GIGYF1: variants seen among roughly 807,000 people sequenced by gnomAD.
The protein encoded by GIGYF1 is GRB10 interacting GYF protein 1, also known as GRB10-interacting GYF protein 1.
A neutral mutation model predicts 147.1 loss-of-function variants in GIGYF1; 84 were observed. The observed-to-expected ratio is 0.57, with a 90% confidence interval of 0.48 to 0.68. GIGYF1 has a LOEUF of 0.68. Ranked by LOEUF, GIGYF1 falls within the 30% of genes least tolerant of loss-of-function variation. The pLI is 0.00. For synonymous variants in GIGYF1, 752 were observed against 589.5 expected, an observed-to-expected ratio of 1.28 and a Z score of -3.99; for missense variants, 1,485 against 1,393.7, an observed-to-expected ratio of 1.07 and a Z score of -1.04.
chr7:100,693,757 C>G (rs1186570084), intron 1 of GIGYF1, among the ~76,000 whole-genome samples: 6 of 151,754 alleles, frequency 4.0e-5, no homozygotes, highest in Middle Eastern at 6.8e-3. Context: ...TGGAAGGCAG[C>G]GCGCCGGCCC....
Position 100,685,094 on chromosome 7 carries a change from T to A in GIGYF1, c.1245A>T (p.Pro415=), listed in dbSNP as rs1278819842. 23 of 1,581,240 alleles carry A rather than the reference T, an allele frequency of 1.5e-5. No individual in the cohort carries two copies. The highest frequency in any genetic ancestry group is 1.8e-5 in the Non-Finnish European group (21 of 1,162,702). The change falls in exon 14 of 27, where the codon CCA becomes CCT. Residue 415 remains proline (P), a synonymous_variant. Transcript: ENST00000678049. The part of the protein sequence containing the change: ...LSPGVGSSAG[P]PGDLEDDEGL... ...CTTCATCATCCTCCAGATCTCCGGG[T>A]GGGCCAGCAGAGGAGCCCACCCCGG...
In GIGYF1 at chr7:100,684,472, C is replaced by G. The variant is rs1196682266; in HGVS notation, c.1607G>C (p.Gly536Ala). The change falls in exon 16 of 27, where the codon GGG becomes GCG. Residue 536 changes from glycine (G) to alanine (A), a missense_variant. Transcript: ENST00000678049. ...KMWGRVPFAP[G>A]PSPPPLLGNM... ...CACCAGCAGTGGGGGAGGTGAGGGC[C>G]CTGGGGCAAAGGGCACGCGGCCCCA... 7 of 1,613,106 alleles carry G rather than the reference C, an allele frequency of 4.3e-6. No homozygotes were observed.
At position 100,679,816 on chromosome 7, in the gene GIGYF1, C is replaced by T. The variant is rs1165125926; in HGVS notation, c.*1903G>A. The T allele has an allele frequency of 2.0e-5, 3 of 152,688 alleles. No individual in the cohort carries two copies. The highest frequency in any genetic ancestry group is 3.4e-3 in the Middle Eastern group (1 of 296). The allele number at this position is 152,688 out of a possible 1,614,324, so 9.5% of individuals were successfully genotyped here. On this transcript the variant is annotated 3_prime_UTR_variant, in exon 27 of 27. Coordinates refer to ENST00000678049, the MANE Select transcript of GIGYF1 (RefSeq NM_001375765.1). ...GGAGAGGGCTCCCCCTATACTTCCTCACAGGGTTAAGGCCTCTCCAGGCTC... is the reference window on the plus strand; with the variant it reads ...GGAGAGGGCTCCCCCTATACTTCCTTACAGGGTTAAGGCCTCTCCAGGCTC...
Position 100,683,432 on chromosome 7 carries a change from T to C in GIGYF1, c.2065A>G (p.Arg689Gly). 1 of 1,614,088 alleles carries C rather than the reference T, an allele frequency of 6.2e-7. No homozygotes were observed. Among genetic ancestry groups the C allele is most frequent in the Non-Finnish European group, 8.5e-7 (1 of 1,180,026 alleles). ...LQLQHKFQER[R>G]EVELRAKREE... ...CGCTTCGCCCTGAGCTCCACTTCTC[T>C]GCGCTCCTGGAACTGAGACCAGTGG... The change falls in exon 21 of 27, where the codon AGA becomes GGA. Residue 689 changes from arginine to glycine, a missense_variant. Arg to Gly is a moderately radical substitution (Grantham distance 125). Coordinates refer to ENST00000678049, the MANE Select transcript of GIGYF1 (RefSeq NM_001375765.1).
chr7:100,682,943 T>G lies in GIGYF1; in HGVS notation c.2412+69A>C, dbSNP rs1224997937. 1.4e-5 allele frequency: 19 copies of G among 1,350,112 alleles called. No individual in the cohort carries two copies. The East Asian group carries it at 4.3e-4, about 30-fold the overall frequency. 83.6% of individuals were successfully genotyped at this position (1,350,112 alleles called of 1,614,324 possible). A position where few individuals can be genotyped will look rare whatever the true frequency, so the allele number is the denominator to read the frequency against. On this transcript the variant is annotated intron_variant, in intron 22 of 26. Transcript: ENST00000678049. ...GGGCTGGGGCTGCACAAGTCTGGGT[T>G]CAGTATCCCCCTCCCTGTGCCACCC... is the stretch of plus-strand genomic sequence containing the variant.
At chr7:100,681,796 T>A (rs1804802869) in intron 26 of GIGYF1, 25 bp from the exon 27 acceptor site, 1 of 1,593,250 alleles carries the variant, frequency 6.3e-7, no homozygotes, top group Admixed American at 1.7e-5. Context: ...AAGCTGCGTC[T>A]GAGCTCTCTC....
chr7:100,686,525 G>A, intron 10 of GIGYF1, 92 bp from the exon 11 acceptor site: 4 of 1,518,186 alleles, frequency 2.6e-6, no homozygotes, highest in Non-Finnish European at 3.5e-6. Flanking sequence ...CTCCAGGGCT[G>A]CTGTCCCGGC....
chr7:100,688,527 G>A lies in GIGYF1; in HGVS notation c.-134-12C>T, dbSNP rs771859212. ...AGACGGTGAAAGACCTGGGGGAGGC[G>A]AGGAGATGGGAAGCTCGAGTCCTTT... On this transcript the variant is annotated splice_polypyrimidine_tract_variant and intron_variant, in intron 2 of 26. Coordinates refer to ENST00000678049, the MANE Select transcript of GIGYF1 (RefSeq NM_001375765.1). The A allele has an allele frequency of 1.4e-4, 89 of 655,296 alleles. No homozygotes were observed. The highest frequency in any genetic ancestry group is 9.6e-4 in the Middle Eastern group (4 of 4,174). 40.6% of individuals were successfully genotyped at this position (655,296 alleles called of 1,614,324 possible).
In GIGYF1 at chr7:100,683,066, G is replaced by T; in HGVS notation, c.2358C>A (p.His786Gln). The T allele has an allele frequency of 6.3e-7, 1 of 1,579,020 alleles. No homozygotes were observed. Among genetic ancestry groups the T allele is most frequent in the Non-Finnish European group, 8.6e-7 (1 of 1,168,848 alleles). ...CTGGCTCCCGAGGTGGGGGCTGTTT[G>T]TGCAGCTGCCGCTCGCCCTCCAGCT... ...ELQLEGERQL[H>Q]KQPPPREPAR... The change falls in exon 22 of 27, where the codon CAC (histidine) becomes CAA (glutamine). Residue 786 changes from histidine to glutamine, a missense_variant. Physicochemically the swap from His to Gln is conservative, Grantham distance 24. Transcript: ENST00000678049.
chr7:100,685,274 CCCA>C, intron 13 of GIGYF1, 67 bp downstream of exon 13: 1 of 1,538,726 alleles, frequency 6.5e-7, no homozygotes, highest in South Asian at 1.3e-5. Context: ...TGTGCCCACC[CCCA>C]CGAGTGGGGA....
rs1363650279 is a variant in GIGYF1 at position 100,694,201 on chromosome 7, G to A, written c.-1190C>T. ...CGACGGCGGCTAGCAGCGGGGGAGG[G>A]GGCGCTGGCGCTCCCGCGGCGGCCG... On this transcript the variant is annotated 5_prime_UTR_variant, in exon 1 of 27. Transcript: ENST00000678049. 1.4e-5 allele frequency among the ~76,000 whole-genome samples: 2 copies of A among 145,556 alleles called. No homozygotes were observed. The highest frequency in any genetic ancestry group is 2.5e-5 in the African/African-American group (1 of 40,580).
chr7:100,682,935 G>T, intron 22 of GIGYF1, 77 bp downstream of exon 22: 1 of 1,331,946 alleles, frequency 7.5e-7, no homozygotes, highest in Non-Finnish European at 1.0e-6. Context: ...GGCTGCACAA[G>T]TCTGGGTTCA....
intron 25 of GIGYF1, 38 bp from the exon 26 acceptor site, chr7:100,682,031 C>T (rs750066570): frequency 3.1e-6 from 5 of 1,610,584 alleles, no homozygotes; most frequent in East Asian, 2.2e-5. Context: ...TCAGGAGGCA[C>T]CAGGCAAGCC....
intron 10 of GIGYF1, 101 bp downstream of exon 10, chr7:100,686,548 A>G: frequency 6.6e-7 from 1 of 1,520,232 alleles, no homozygotes; most frequent in Non-Finnish European, 8.8e-7. Context: ...CTCCCACACC[A>G]GCCAGCCTCT....
chr7:100,688,500 C>T lies in GIGYF1; in HGVS notation c.-119G>A. 4.4e-6 allele frequency: 3 copies of T among 683,672 alleles called. No homozygotes were observed. Among genetic ancestry groups the T allele is most frequent in the Non-Finnish European group, 8.0e-6 (3 of 373,196 alleles). The allele number at this position is 683,672 out of a possible 1,614,324, so 42.4% of individuals were successfully genotyped here. On this transcript the variant is annotated 5_prime_UTR_variant, in exon 3 of 27. Transcript: ENST00000678049. ...CACCATGAGTTACCCAGAGATGAGT[C>T]CAGACGGTGAAAGACCTGGGGGAGG...
intron 24 of GIGYF1, 35 bp downstream of exon 24, chr7:100,682,287 A>G (rs1804855118): frequency 6.2e-7 from 1 of 1,608,396 alleles, no homozygotes; most frequent in African/African-American, 1.3e-5. Context: ...CTGGAGACCC[A>G]GGTCCCGCCC....
In GIGYF1 at chr7:100,683,241, G is replaced by C. The variant is rs369031943; in HGVS notation, c.2194-11C>G. 2 of 1,612,774 alleles carry C rather than the reference G, an allele frequency of 1.2e-6. No individual in the cohort carries two copies. The highest frequency in any genetic ancestry group is 1.1e-5 in the South Asian group (1 of 91,090). On this transcript the variant is annotated splice_polypyrimidine_tract_variant and intron_variant, in intron 21 of 26. Transcript: ENST00000678049. ...CTCCTGCTGCCGCACCTAAGAGGGGGACATGGTGAGGGGACCTGGCGAGGG... is the reference window on the plus strand; with the variant it reads ...CTCCTGCTGCCGCACCTAAGAGGGGCACATGGTGAGGGGACCTGGCGAGGG...
chr7:100,689,076 A>C lies in GIGYF1; in HGVS notation c.-619T>G, dbSNP rs2131395679. 1.3e-5 allele frequency: 2 copies of C among 152,856 alleles called. 1 individual carries two copies. Among genetic ancestry groups the C allele is most frequent in the South Asian group, 4.1e-4 (2 of 4,908 alleles). The allele number at this position is 152,856 out of a possible 1,614,324, so 9.5% of individuals were successfully genotyped here. A position where few individuals can be genotyped will look rare whatever the true frequency, so the allele number is the denominator to read the frequency against. The stretch of plus-strand genomic sequence containing the variant: ...TGAAAAAAATCAGTTGGCTGCTCAG[A>C]AGCTCAAATCCAGGGGCTTGGTCTG... On this transcript the variant is annotated 5_prime_UTR_variant, in exon 2 of 27. Transcript: ENST00000678049.
chr7:100,683,481 G>C (rs753389284), intron 20 of GIGYF1, 37 bp from the exon 21 acceptor site: 4 of 1,614,130 alleles, frequency 2.5e-6, no homozygotes, highest in Non-Finnish European at 3.4e-6. Flanking sequence ...AGAGCTGCAG[G>C]GGACAGCCTG....
Sources: allele counts gnomAD v4.1 joint callset (sites outside exome capture counted in the v4.1 genomes callset), GRCh38; gene constraint gnomAD v4.1.1; transcripts MANE v1.5; gene names NCBI Gene and HGNC (gene_info 2026-07-23, HGNC 2026-07-21).